VAMP4: variants seen among roughly 807,000 people sequenced by gnomAD.
The protein encoded by VAMP4 is vesicle associated membrane protein 4.
Under a neutral mutation model 23.5 loss-of-function variants are expected in VAMP4, and 19 were observed. The ratio of observed to expected loss-of-function variants is 0.81; its 90% CI spans 0.56 to 1.19. The LOEUF is 1.19. VAMP4 is among the 50% of genes most tolerant of loss of function. VAMP4 has a pLI of 0.00. For synonymous variants in VAMP4, 31 were observed against 51.0 expected, an observed-to-expected ratio of 0.61 and a Z score of 1.67; for missense variants, 145 against 168.6, an observed-to-expected ratio of 0.86 and a Z score of 0.78.
At position 171,713,316 on chromosome 1, in the gene VAMP4, C is replaced by T. The variant is rs189528924; in HGVS notation, c.165-2502G>A. On this transcript the variant is annotated intron_variant, in intron 4 of 7. Transcript: ENST00000236192. ...TTTTTTTTTTGTCATATGCAAGTGA[C>T]GATAATTAATGGCTTAAAGTAGGGT... Among the ~76,000 whole-genome samples the T allele has an allele frequency of 4.6e-5, 7 of 150,834 alleles. No individual in the cohort carries two copies. In the East Asian group the frequency reaches 5.8e-4, roughly 13 times the overall value.
intron 4 of VAMP4, among the ~76,000 whole-genome samples, chr1:171,715,365 C>T (rs559026000): frequency 7.9e-5 from 12 of 152,204 alleles, no homozygotes; most frequent in African/African-American, 2.4e-4. Context: ...TAGAGTCTGA[C>T]GGCACCTGTA....
At chr1:171,722,447 C>T (rs1297694648) in intron 3 of VAMP4, among the ~76,000 whole-genome samples, 1 of 152,142 alleles carries the variant, frequency 6.6e-6, no homozygotes, top group African/African-American at 2.4e-5. Context: ...GCAAAAGAAA[C>T]TACCATCAGA....
In VAMP4 at chr1:171,704,100, A is replaced by G. The variant is rs1654569429; in HGVS notation, c.*406T>C. 1 of 153,850 alleles carries G rather than the reference A, an allele frequency of 6.5e-6. No homozygotes were observed. The highest frequency in any genetic ancestry group is 6.5e-5 in the Admixed American group (1 of 15,280). The allele number at this position is 153,850 out of a possible 1,614,324, so 9.5% of individuals were successfully genotyped here. On this transcript the variant is annotated 3_prime_UTR_variant, in exon 8 of 8. Coordinates refer to ENST00000236192, the MANE Select transcript of VAMP4 (RefSeq NM_003762.5). ...AATGGTTATGCATCTCTTTCAGCAT[A>G]TAATTTGGTACTCTACACAGGCTTC...
intron 2 of VAMP4, among the ~76,000 whole-genome samples, chr1:171,731,582 G>A (rs116417861): frequency 0.018 from 2,813 of 152,290 alleles, 49 homozygotes; most frequent in Non-Finnish European, 0.024. Flanking sequence ...GCCAGCCAAA[G>A]ATCAGGGTGA....
intron 4 of VAMP4, among the ~76,000 whole-genome samples, chr1:171,717,060 C>A (rs1655043407): frequency 6.6e-6 from 1 of 152,126 alleles, no homozygotes; most frequent in Non-Finnish European, 1.5e-5. Context: ...GACATATATT[C>A]TTTAATGCCT....
chr1:171,738,459 A>G lies in VAMP4; in HGVS notation c.-45T>C, dbSNP rs1249695705. 1 of 1,573,316 alleles carries G rather than the reference A, an allele frequency of 6.4e-7. No individual in the cohort carries two copies. Among genetic ancestry groups the G allele is most frequent in the Admixed American group, 1.7e-5 (1 of 59,206 alleles). On this transcript the variant is annotated 5_prime_UTR_variant, in exon 2 of 8. The change abolishes the stop of an existing upstream ORF in the 5' untranslated region. Coordinates refer to ENST00000236192, the MANE Select transcript of VAMP4 (RefSeq NM_003762.5). Reference sequence around the variant, plus strand: ...TCTTTTGCTTCTCAACAGGATAGTCACCACCTTAAAGAGAAAATAAATTTC... The same window carrying G: ...TCTTTTGCTTCTCAACAGGATAGTCGCCACCTTAAAGAGAAAATAAATTTC...
chr1:171,709,075 G>A (rs1479131431), intron 6 of VAMP4, among the ~76,000 whole-genome samples: 1 of 151,908 alleles, frequency 6.6e-6, no homozygotes, highest in Non-Finnish European at 1.5e-5. Context: ...GATTTAAGAA[G>A]TAAATGTATT....
chr1:171,726,767 T>C (rs185489172), intron 3 of VAMP4, among the ~76,000 whole-genome samples: 16 of 152,042 alleles, frequency 1.1e-4, no homozygotes, highest in Admixed American at 7.2e-4. Flanking sequence ...ATTTCTTATA[T>C]ATGAAAAAAA....
At chr1:171,708,204 CAGG>C (rs1654721949) in intron 6 of VAMP4, among the ~76,000 whole-genome samples, 1 of 151,620 alleles carries the variant, frequency 6.6e-6, no homozygotes, top group Non-Finnish European at 1.5e-5. Context: ...GAGACTAAGG[CAGG>C]AGAATCGCTT....
intron 2 of VAMP4, 113 bp from the exon 3 acceptor site, chr1:171,728,683 C>A: frequency 1.0e-6 from 1 of 996,288 alleles, no homozygotes; most frequent in African/African-American, 1.6e-5. Context: ...TCCAGGTGTC[C>A]ATAAAGAGGG....
At position 171,710,814 on chromosome 1, in the gene VAMP4, A is replaced by T. The variant is rs761249966; in HGVS notation, c.165T>A (p.His55Gln). The T allele has an allele frequency of 6.3e-7, 1 of 1,591,684 alleles. No homozygotes were observed. The highest frequency in any genetic ancestry group is 1.1e-5 in the South Asian group (1 of 87,466). ...RFGPRNDKIKHVQNQVDEVID... is the reference protein window; with the variant it reads ...RFGPRNDKIKQVQNQVDEVID... ...TAACTTCATCCACTTGATTCTGAAC[A>T]CTAGTTTAAAAAAGATACACAATTA... Residue 55 changes from histidine (H) to glutamine (Q), a missense_variant and splice_region_variant, in exon 5 of 8, where the codon CAT becomes CAA. Physicochemically the swap from His to Gln is conservative, Grantham distance 24 (BLOSUM62 0). Coordinates refer to ENST00000236192, the MANE Select transcript of VAMP4 (RefSeq NM_003762.5).
chr1:171,727,140 TG>T (rs911377770), intron 3 of VAMP4, among the ~76,000 whole-genome samples: 101 of 149,526 alleles, frequency 6.8e-4, no homozygotes, highest in African/African-American at 2.2e-3. Context: ...CTTGGGAGGC[TG>T]AGGCGAGAAG....
chr1:171,726,071 G>C (rs1164182672), intron 3 of VAMP4, among the ~76,000 whole-genome samples: 1 of 150,836 alleles, frequency 6.6e-6, no homozygotes, highest in African/African-American at 2.4e-5. Flanking sequence ...TTTTTGGGGG[G>C]GGCGAAGTAT....
chr1:171,731,948 A>C (rs1655579272), intron 2 of VAMP4, among the ~76,000 whole-genome samples: 1 of 152,222 alleles, frequency 6.6e-6, no homozygotes, highest in Non-Finnish European at 1.5e-5. Context: ...AATAGCAACG[A>C]ATGTTTAAAT....
intron 3 of VAMP4, among the ~76,000 whole-genome samples, chr1:171,724,693 G>A (rs1285027744): frequency 3.3e-5 from 5 of 152,072 alleles, no homozygotes; most frequent in East Asian, 1.9e-4. Flanking sequence ...AATTCTAGCA[G>A]GCTTGCTGGA....
chr1:171,729,356 C>A (rs1275018225), intron 2 of VAMP4, among the ~76,000 whole-genome samples: 1 of 152,154 alleles, frequency 6.6e-6, no homozygotes, highest in Non-Finnish European at 1.5e-5. Flanking sequence ...AGTCTCAACA[C>A]AAAATTCATT....
At chr1:171,705,618 C>T (rs1236715854) in intron 7 of VAMP4, among the ~76,000 whole-genome samples, 1 of 152,106 alleles carries the variant, frequency 6.6e-6, no homozygotes, top group African/African-American at 2.4e-5. Flanking sequence ...TACCTGGTAA[C>T]TGGATTTGCA....
At chr1:171,741,355 G>C (rs1655918957) in intron 1 of VAMP4, among the ~76,000 whole-genome samples, 1 of 152,090 alleles carries the variant, frequency 6.6e-6, no homozygotes, top group African/African-American at 2.4e-5. Context: ...GAAATAAAGT[G>C]ACTTGGATGG....
intron 3 of VAMP4, among the ~76,000 whole-genome samples, chr1:171,722,158 G>A (rs1320048568): frequency 6.6e-6 from 1 of 151,968 alleles, no homozygotes; most frequent in African/African-American, 2.4e-5. Context: ...ATAGGGAAAG[G>A]AATCCCTATT....
Sources: gnomAD v4.1 joint callset for allele counts (sites outside exome capture counted in the v4.1 genomes callset) on GRCh38, gnomAD v4.1.1 for gene constraint, MANE v1.5 for transcripts, NCBI Gene and HGNC (gene_info 2026-07-23, HGNC 2026-07-21) for gene names.